PCDH12: variants seen among roughly 807,000 people sequenced by gnomAD.
PCDH12 encodes the protein protocadherin-12.
Under a neutral mutation model 70.9 loss-of-function variants are expected in PCDH12, and 45 were observed. The ratio of observed to expected loss-of-function variants is 0.63; its 90% CI spans 0.50 to 0.81. The LOEUF (loss-of-function observed/expected upper bound fraction) is 0.81. Ranked by LOEUF, PCDH12 falls within the 40% of genes least tolerant of loss-of-function variation. The pLI, the probability that PCDH12 is intolerant of heterozygous loss-of-function variation, is 0.00. For missense variants in PCDH12, 1,370 were observed against 1,491.7 expected (o/e 0.92, Z 1.34); for synonymous variants, 567 against 626.0 (o/e 0.91, Z 1.41).
At chr5:141,949,924 C>T (rs1392914857) in intron 2 of PCDH12, among the ~76,000 whole-genome samples, 1 of 152,160 alleles carries the variant, frequency 6.6e-6, no homozygotes, top group Non-Finnish European at 1.5e-5. Context: ...GTTGCCCCTC[C>T]CATGTCTAGG....
chr5:141,955,836 C>T lies in PCDH12; in HGVS notation c.2016G>A (p.Glu672=), dbSNP rs149764925. The T allele has an allele frequency of 5.0e-6, 8 of 1,614,096 alleles. No individual in the cohort carries two copies. The South Asian group carries it at 7.7e-5, about 16-fold the overall frequency. ...CCTGGTCCTCTACTACTATCTCCAG[C>T]TCCCACTCACTCCCAATGAGGCTGC... is the stretch of plus-strand genomic sequence containing the variant. The part of the protein sequence containing the change: ...NASSLIGSEW[E]LEIVVEDQGS... The change falls in exon 1 of 4, where the codon GAG becomes GAA. Residue 672 remains glutamate (E), a synonymous_variant. Coordinates refer to ENST00000231484, the MANE Select transcript of PCDH12 (RefSeq NM_016580.4). The surrounding 1 kb of genome is among the most constrained non-coding windows in gnomAD (Gnocchi z 5.5).
intron 3 of PCDH12, among the ~76,000 whole-genome samples, chr5:141,948,619 C>T (rs1753002965): frequency 6.6e-6 from 1 of 152,158 alleles, no homozygotes; most frequent in Non-Finnish European, 1.5e-5. Flanking sequence ...ACCTGGTTCC[C>T]AGGGTGAAAG....
Position 141,945,080 on chromosome 5 carries a change from C to G in PCDH12, c.*301G>C, listed in dbSNP as rs537343851. The G allele has an allele frequency of 2.6e-6, 1 of 384,224 alleles. No homozygotes were observed. The highest frequency in any genetic ancestry group is 4.7e-6 in the Non-Finnish European group (1 of 213,600). The allele number at this position is 384,224 out of a possible 1,614,324, so 23.8% of individuals were successfully genotyped here. A position where few individuals can be genotyped will look rare whatever the true frequency, so the allele number is the denominator to read the frequency against. On this transcript the variant is annotated 3_prime_UTR_variant, in exon 4 of 4. Coordinates refer to ENST00000231484, the MANE Select transcript of PCDH12 (RefSeq NM_016580.4). ...CCACCCTTTCCTGCCTGTGATACTC[C>G]GTGGCATCTGTTCTGCCAGAGGACT...
intron 1 of PCDH12, among the ~76,000 whole-genome samples, chr5:141,954,539 G>A (rs754745460): frequency 6.6e-6 from 1 of 152,226 alleles, no homozygotes; most frequent in Admixed American, 6.5e-5. Flanking sequence ...CAACAGAGAT[G>A]TTAACTTCCT....
At chr5:141,950,817 A>G (rs1753065850) in intron 2 of PCDH12, among the ~76,000 whole-genome samples, 1 of 152,178 alleles carries the variant, frequency 6.6e-6, no homozygotes, top group Non-Finnish European at 1.5e-5. Context: ...AGGAGTTAGC[A>G]TTGTGTGTGC....
chr5:141,949,049 C>A lies in PCDH12; in HGVS notation c.3130+383G>T, dbSNP rs1013020003. Among the ~76,000 whole-genome samples the A allele has an allele frequency of 2.5e-3, 353 of 140,814 alleles. 1 individual carries two copies. The highest frequency in any genetic ancestry group is 7.8e-3 in the African/African-American group (294 of 37,642). The allele number at this position is 140,814 out of a possible 152,430, so 92.4% of individuals were successfully genotyped here. On this transcript the variant is annotated intron_variant, in intron 3 of 3. Coordinates refer to ENST00000231484, the MANE Select transcript of PCDH12 (RefSeq NM_016580.4). ...GGCAACAGGTGAATCCCTGTCCCTA[C>A]AAAAAAAAAAAAAAATCAAAAATTA...
At chr5:141,947,213 G>A (rs991375043) in intron 3 of PCDH12, among the ~76,000 whole-genome samples, 3 of 152,252 alleles carry the variant, frequency 2.0e-5, no homozygotes, top group Non-Finnish European at 4.4e-5. Context: ...TTGGGCTCCT[G>A]CCCTACTGGA....
At chr5:141,954,884 T>A in intron 1 of PCDH12, 88 bp downstream of exon 1, 1 of 1,481,172 alleles carries the variant, frequency 6.8e-7, no homozygotes, top group Non-Finnish European at 9.1e-7. Context: ...GGAAGAAACA[T>A]GAGGACTGTG....
chr5:141,957,733 A>G lies in PCDH12; in HGVS notation c.119T>C (p.Val40Ala). The G allele has an allele frequency of 6.2e-7, 1 of 1,613,800 alleles. No individual in the cohort carries two copies. Residue 40 changes from valine (V) to alanine (A), a missense_variant, in exon 1 of 4, where the codon GTG becomes GCG. By Grantham distance (64) the Val-to-Ala change is moderately conservative. Coordinates refer to ENST00000231484, the MANE Select transcript of PCDH12 (RefSeq NM_016580.4). This position sits in a 1 kb window ranked among gnomAD's most constrained non-coding sequence, Gnocchi z 4.3. ...LTVKYQVSEE[V>A]PSGTVIGKLS... ...CTTCCCGATCACTGTACCAGATGGC[A>G]CTTCCTCTGACACTTGGTATTTCAC... is the stretch of plus-strand genomic sequence containing the variant.
chr5:141,953,516 G>C (rs1286592207), intron 1 of PCDH12: 1 of 152,210 alleles, frequency 6.6e-6, no homozygotes, highest in Non-Finnish European at 1.5e-5. Context: ...TTTACACTCA[G>C]ATCTGACTCT....
rs1752882009 is a variant in PCDH12, at chr5:141,945,384, C to G, written c.3552G>C (p.Leu1184=). 1 of 1,050,374 alleles carries G rather than the reference C, an allele frequency of 9.5e-7. No homozygotes were observed. Among genetic ancestry groups the G allele is most frequent in the Non-Finnish European group, 1.3e-6 (1 of 757,274 alleles). 65.1% of individuals were successfully genotyped at this position (1,050,374 alleles called of 1,614,324 possible). Residue 1184 remains leucine (L), a synonymous_variant, in exon 4 of 4, where the codon CTG becomes CTC. Coordinates refer to ENST00000231484, the MANE Select transcript of PCDH12 (RefSeq NM_016580.4). The part of the protein sequence containing the change: ...SRGSSSSSRC[L] ...TCCAGAGGCGTCTGAGGTATGTTCACAGGCACCTGCTGCTGCTGCTGCTGC... is the reference window on the plus strand; with the variant it reads ...TCCAGAGGCGTCTGAGGTATGTTCAGAGGCACCTGCTGCTGCTGCTGCTGC...
Position 141,944,654 on chromosome 5 carries a change from C to T in PCDH12, c.*727G>A, listed in dbSNP as rs1313944616. 1 of 152,258 alleles carries T rather than the reference C, an allele frequency of 6.6e-6. No individual in the cohort carries two copies. Among genetic ancestry groups the T allele is most frequent in the Non-Finnish European group, 1.5e-5 (1 of 68,064 alleles). The allele number at this position is 152,258 out of a possible 1,614,324, so 9.4% of individuals were successfully genotyped here. On this transcript the variant is annotated 3_prime_UTR_variant, in exon 4 of 4. Coordinates refer to ENST00000231484, the MANE Select transcript of PCDH12 (RefSeq NM_016580.4). ...GAAATGGGGTTAATAATACCTCCCT[C>T]CCAGGATTGTTGGAAAATCAAATTA...
At chr5:141,947,717 A>AAG (rs1315404835) in intron 3 of PCDH12, among the ~76,000 whole-genome samples, 1 of 152,222 alleles carries the variant, frequency 6.6e-6, no homozygotes, top group Non-Finnish European at 1.5e-5. Context: ...TCGCATTCTC[A>AAG]AGTGGGGCAA....
At chr5:141,945,888 G>T (rs898962742) in intron 3 of PCDH12, 83 bp from the exon 4 acceptor site, 1 of 1,281,754 alleles carries the variant, frequency 7.8e-7, no homozygotes, top group Non-Finnish European at 1.1e-6. Flanking sequence ...AGCAGGGCAA[G>T]GGCAGTGGAC....
rs775465000 is a variant in PCDH12, at chr5:141,956,829, C to G, written c.1023G>C (p.Lys341Asn). Residue 341 changes from lysine to asparagine, a missense_variant, in exon 1 of 4, where the codon AAG becomes AAC. By Grantham distance (94) the Lys-to-Asn change is moderately conservative. Transcript: ENST00000231484. ...GGATGTTGTCATTGACATCCAGAAC[C>G]TTGATGAGAACTTTGCAATGGGCTG... is the stretch of plus-strand genomic sequence containing the variant. ...PIPAHCKVLI[K>N]VLDVNDNIPS... 2 of 1,614,122 alleles carry G rather than the reference C, an allele frequency of 1.2e-6. No homozygotes were observed. The highest frequency in any genetic ancestry group is 1.7e-6 in the Non-Finnish European group (2 of 1,180,044).
Position 141,943,851 on chromosome 5 carries a change from T to G in PCDH12, c.*1530A>C, listed in dbSNP as rs1483354225. The G allele has an allele frequency of 6.6e-6, 1 of 152,140 alleles. No homozygotes were observed. Among genetic ancestry groups the G allele is most frequent in the Non-Finnish European group, 1.5e-5 (1 of 68,026 alleles). 9.4% of individuals were successfully genotyped at this position (152,140 alleles called of 1,614,324 possible). On this transcript the variant is annotated 3_prime_UTR_variant, in exon 4 of 4. Transcript: ENST00000231484. Reference sequence around the variant, plus strand: ...ACTCTGCCCCTGAAACTCATAACTTTGGGGAGCCTCATTTTCTTCATCTGT... The same window carrying G: ...ACTCTGCCCCTGAAACTCATAACTTGGGGGAGCCTCATTTTCTTCATCTGT...
intron 1 of PCDH12, chr5:141,952,583 A>C (rs1285155223): frequency 6.6e-6 from 1 of 152,268 alleles, no homozygotes; most frequent in African/African-American, 2.4e-5. Context: ...TATCACGGCC[A>C]GACCCTATAG....
At position 141,955,109 on chromosome 5, in the gene PCDH12, G is replaced by T. The variant is rs370507314; in HGVS notation, c.2743C>A (p.His915Asn). The change falls in exon 1 of 4, where the codon CAT becomes AAT. Residue 915 changes from histidine to asparagine, a missense_variant. Coordinates refer to ENST00000231484, the MANE Select transcript of PCDH12 (RefSeq NM_016580.4). The surrounding 1 kb of genome is among the most constrained non-coding windows in gnomAD (Gnocchi z 5.5). Reference protein sequence around the residue: ...ASSATLRRQRHLNGKVSPEKE... With the variant: ...ASSATLRRQRNLNGKVSPEKE... ...TCAGGGGACACTTTGCCATTGAGATGTCGCTGCCGTCTCAGGGTTGCAGAG... is the reference window on the plus strand; with the variant it reads ...TCAGGGGACACTTTGCCATTGAGATTTCGCTGCCGTCTCAGGGTTGCAGAG... The T allele has an allele frequency of 4.3e-6, 7 of 1,614,126 alleles. No individual in the cohort carries two copies. Among genetic ancestry groups the T allele is most frequent in the Non-Finnish European group, 5.9e-6 (7 of 1,180,060 alleles).
At position 141,954,968 on chromosome 5, in the gene PCDH12, G is replaced by C; in HGVS notation, c.2880+4C>G. 6.2e-7 allele frequency: 1 copy of C among 1,606,928 alleles called. No individual in the cohort carries two copies. Among genetic ancestry groups the C allele is most frequent in the Non-Finnish European group, 8.5e-7 (1 of 1,175,088 alleles). On this transcript the variant is annotated splice_donor_region_variant and intron_variant, in intron 1 of 3. Coordinates refer to ENST00000231484, the MANE Select transcript of PCDH12 (RefSeq NM_016580.4). The stretch of plus-strand genomic sequence containing the variant: ...AGAGAAAGAGCTGCCCATGCCCCAG[G>C]TACCTGAACAGGAGGAGAATCCACA...
Sources: gnomAD v4.1 joint callset for allele counts (sites outside exome capture counted in the v4.1 genomes callset) on GRCh38, gnomAD v4.1.1 for gene constraint, Gnocchi (gnomAD v3.1) non-coding constraint, MANE v1.5 for transcripts, NCBI Gene and HGNC (gene_info 2026-07-23, HGNC 2026-07-21) for gene names.